CCDC60: variants seen among roughly 807,000 people sequenced by gnomAD.
CCDC60 encodes coiled-coil domain containing 60.
Under a neutral mutation model 63.5 loss-of-function variants are expected in CCDC60, and 54 were observed. The observed-to-expected ratio is 0.85, with a 90% confidence interval of 0.68 to 1.07. CCDC60 has a LOEUF of 1.07. Ranked by LOEUF, CCDC60 falls within the 50% of genes least tolerant of loss-of-function variation. CCDC60 has a pLI of 0.00. For missense variants in CCDC60, 651 were observed against 684.3 expected (o/e 0.95, Z 0.54); for synonymous variants, 206 against 238.8 (o/e 0.86, Z 1.27).
In CCDC60 at chr12:119,474,065, T is replaced by A. The variant is rs559784809; in HGVS notation, c.341+1901T>A. Among the ~76,000 whole-genome samples, 10 of 152,342 alleles carry A rather than the reference T, an allele frequency of 6.6e-5. No homozygotes were observed. In the South Asian group the frequency reaches 2.1e-3, roughly 32 times the overall value. On this transcript the variant is annotated intron_variant, in intron 3 of 13. Transcript: ENST00000327554. ...TCCATACTGTTTTCCACAGTGGTTGTACTAGTTTACATTCCCGAAAAAAAG... is the reference window on the plus strand; with the variant it reads ...TCCATACTGTTTTCCACAGTGGTTGAACTAGTTTACATTCCCGAAAAAAAG...
intron 1 of CCDC60, among the ~76,000 whole-genome samples, chr12:119,346,986 G>A (rs1174796677): frequency 2.6e-5 from 4 of 151,758 alleles, no homozygotes; most frequent in Non-Finnish European, 5.9e-5. Context: ...CACCATGCCT[G>A]GCTAACTTTT....
chr12:119,364,455 T>C (rs1300417767), intron 1 of CCDC60, among the ~76,000 whole-genome samples: 1 of 152,224 alleles, frequency 6.6e-6, no homozygotes, highest in Non-Finnish European at 1.5e-5. Context: ...TTCTGTTTTC[T>C]AATTTCCTAT....
At chr12:119,401,026 C>T (rs1956382910) in intron 1 of CCDC60, among the ~76,000 whole-genome samples, 1 of 152,230 alleles carries the variant, frequency 6.6e-6, no homozygotes, top group African/African-American at 2.4e-5. Context: ...AAATCCTACT[C>T]TGTACTTCTT....
At chr12:119,499,587 C>A (rs1457923763) in intron 5 of CCDC60, among the ~76,000 whole-genome samples, 2 of 152,134 alleles carry the variant, frequency 1.3e-5, no homozygotes, top group African/African-American at 4.8e-5. Context: ...AACTTATGCC[C>A]AGTCAACCTC....
chr12:119,529,954 C>T (rs892481113), intron 12 of CCDC60, among the ~76,000 whole-genome samples: 1 of 152,038 alleles, frequency 6.6e-6, no homozygotes, highest in African/African-American at 2.4e-5. Flanking sequence ...TCAAACAAAC[C>T]ACAGCGTCGT....
chr12:119,377,744 C>CA (rs1955967848), intron 1 of CCDC60, among the ~76,000 whole-genome samples: 1 of 152,188 alleles, frequency 6.6e-6, no homozygotes. Flanking sequence ...TACCTCTACA[C>CA]ATTTTTTTCT....
At chr12:119,513,655 T>A (rs1198135005) in intron 7 of CCDC60, among the ~76,000 whole-genome samples, 1 of 152,210 alleles carries the variant, frequency 6.6e-6, no homozygotes, top group African/African-American at 2.4e-5. Flanking sequence ...CAGTCAACAA[T>A]GGACCACATA....
intron 13 of CCDC60, among the ~76,000 whole-genome samples, chr12:119,533,180 CT>C (rs1952906209): frequency 6.6e-6 from 1 of 151,962 alleles, no homozygotes; most frequent in Admixed American, 6.6e-5. Flanking sequence ...GATGATGAGC[CT>C]TTTTTCATTT....
intron 2 of CCDC60, among the ~76,000 whole-genome samples, chr12:119,462,498 C>T (rs752320181): frequency 6.6e-6 from 1 of 151,984 alleles, no homozygotes; most frequent in Non-Finnish European, 1.5e-5. Flanking sequence ...TTCTGCCTGT[C>T]TCACTTTAAA....
intron 1 of CCDC60, among the ~76,000 whole-genome samples, chr12:119,423,531 A>G (rs754478074): frequency 1.3e-5 from 2 of 152,214 alleles, no homozygotes; most frequent in African/African-American, 2.4e-5. Flanking sequence ...AGAGTTAAGC[A>G]GAAGCCAGGG....
At chr12:119,445,263 G>A (rs766220023) in intron 2 of CCDC60, among the ~76,000 whole-genome samples, 6 of 151,370 alleles carry the variant, frequency 4.0e-5, no homozygotes, top group Non-Finnish European at 7.4e-5. Context: ...GTGAAACCCC[G>A]TCTCTACTAA....
Position 119,456,445 on chromosome 12 carries a change from A to T in CCDC60, c.171-15549A>T, listed in dbSNP as rs1336515013. On this transcript the variant is annotated intron_variant, in intron 2 of 13. Coordinates refer to ENST00000327554, the MANE Select transcript of CCDC60 (RefSeq NM_178499.5). This position sits in a 1 kb window ranked among gnomAD's most constrained non-coding sequence, Gnocchi z 4.6. The stretch of plus-strand genomic sequence containing the variant: ...AGGGGTCAAAAGACACAAGTGTTAC[A>T]GGACCCCAACACTTCCTGGGGGTTT... 6.6e-6 allele frequency among the ~76,000 whole-genome samples: 1 copy of T among 152,212 alleles called. No individual in the cohort carries two copies. Among genetic ancestry groups the T allele is most frequent in the East Asian group, 1.9e-4 (1 of 5,198 alleles).
In CCDC60 at chr12:119,530,877, C is replaced by A; in HGVS notation, c.1365C>A (p.Tyr455Ter). 6.2e-7 allele frequency: 1 copy of A among 1,613,064 alleles called. No individual in the cohort carries two copies. Among genetic ancestry groups the A allele is most frequent in the South Asian group, 1.1e-5 (1 of 90,944 alleles). ...GDAEEIADHW[Y>*]FDLLSKLPED... ...TCCTCTCCTTTTGGAATTGAAGGTA[C>A]TTTGATCTGTTGTCCAAACTGCCAG... Residue 455 changes from tyrosine (Y) to a stop codon, truncating the protein, a stop_gained, in exon 13 of 14, where the codon TAC (tyrosine) becomes TAA (stop). Transcript: ENST00000327554. LOFTEE classifies it high-confidence loss of function.
chr12:119,485,839 G>C (rs1951426948), intron 4 of CCDC60, among the ~76,000 whole-genome samples: 1 of 152,176 alleles, frequency 6.6e-6, no homozygotes, highest in African/African-American at 2.4e-5. Flanking sequence ...TTTTAAGCAA[G>C]AGAGGGAGAG....
intron 11 of CCDC60, 79 bp from the exon 12 acceptor site, chr12:119,528,536 C>A: frequency 6.8e-7 from 1 of 1,475,458 alleles, no homozygotes. Flanking sequence ...GTGTTTAAGT[C>A]AGATCTCAAA....
chr12:119,491,234 T>C (rs534303633), intron 5 of CCDC60, among the ~76,000 whole-genome samples: 9 of 152,372 alleles, frequency 5.9e-5, no homozygotes, highest in African/African-American at 1.9e-4. Context: ...ACACCATTTC[T>C]TTATTAACAG....
intron 2 of CCDC60, among the ~76,000 whole-genome samples, chr12:119,471,145 A>C (rs1951048280): frequency 6.6e-6 from 1 of 152,186 alleles, no homozygotes; most frequent in Admixed American, 6.5e-5. Context: ...AAGCGCAGGG[A>C]GGTGTGTAGC....
intron 1 of CCDC60, among the ~76,000 whole-genome samples, chr12:119,386,316 C>T (rs2136189743): frequency 6.6e-6 from 1 of 152,292 alleles, no homozygotes; most frequent in Non-Finnish European, 1.5e-5. Flanking sequence ...TTCTTCTGCT[C>T]TTGCCCTGGG....
Position 119,493,139 on chromosome 12 carries a change from C to T in CCDC60, c.557+4273C>T, listed in dbSNP as rs118098824. On this transcript the variant is annotated intron_variant, in intron 5 of 13. Transcript: ENST00000327554. ...GCTTTTCTGAGTCTCCATCATCAAGCAACCAGTATCTCCTGTTACTAAAGC... is the reference window on the plus strand; with the variant it reads ...GCTTTTCTGAGTCTCCATCATCAAGTAACCAGTATCTCCTGTTACTAAAGC... Among the ~76,000 whole-genome samples, 5 of 152,306 alleles carry T rather than the reference C, an allele frequency of 3.3e-5. No homozygotes were observed. The East Asian group carries it at 9.6e-4, about 29-fold the overall frequency.
Sources: gnomAD v4.1 joint callset for allele counts (sites outside exome capture counted in the v4.1 genomes callset) on GRCh38, gnomAD v4.1.1 for gene constraint, Gnocchi (gnomAD v3.1) non-coding constraint, MANE v1.5 for transcripts, NCBI Gene and HGNC (gene_info 2026-07-23, HGNC 2026-07-21) for gene names.